MDGA2: variants seen among roughly 807,000 people sequenced by gnomAD.
The protein encoded by MDGA2 is MAM domain-containing glycosylphosphatidylinositol anchor protein 2.
Under a neutral mutation model 117.8 loss-of-function variants are expected in MDGA2, and 40 were observed. The observed-to-expected ratio is 0.34, with a 90% CI of 0.26 to 0.44. The LOEUF is 0.44. MDGA2 is among the 20% of genes least tolerant of loss of function. The pLI is 1.00. For missense variants in MDGA2, 1,123 were observed against 1,250.6 expected (o/e 0.90, Z 1.54); for synonymous variants, 452 against 439.0 (o/e 1.03, Z -0.37).
intron 3 of MDGA2, among the ~76,000 whole-genome samples, chr14:47,204,844 A>G (rs1885626008): frequency 1.3e-5 from 2 of 152,022 alleles, no homozygotes; most frequent in African/African-American, 2.4e-5. Flanking sequence ...CAATTTTACT[A>G]TGTACCAATT....
intron 1 of MDGA2, among the ~76,000 whole-genome samples, chr14:47,668,970 G>A (rs191269210): frequency 2.7e-4 from 41 of 152,220 alleles, no homozygotes; most frequent in Admixed American, 4.6e-4. Flanking sequence ...TCAAATCAGA[G>A]AATATGAGTG....
chr14:47,645,768 C>G (rs993959407), intron 1 of MDGA2, among the ~76,000 whole-genome samples: 10 of 151,646 alleles, frequency 6.6e-5, no homozygotes, highest in African/African-American at 1.7e-4. Context: ...CAATAACACC[C>G]AATATTAAAG....
chr14:47,368,363 T>C (rs1891275469), intron 1 of MDGA2, among the ~76,000 whole-genome samples: 1 of 152,170 alleles, frequency 6.6e-6, no homozygotes, highest in Admixed American at 6.6e-5. Context: ...TAAATGATTG[T>C]ATAGACCCAG....
intron 1 of MDGA2, among the ~76,000 whole-genome samples, chr14:47,595,820 A>T (rs1341879861): frequency 6.6e-6 from 1 of 152,200 alleles, no homozygotes; most frequent in Non-Finnish European, 1.5e-5. Context: ...ATGTTCTTAT[A>T]TGATTAGGTA....
chr14:47,588,251 T>G (rs866666410), intron 1 of MDGA2, among the ~76,000 whole-genome samples: 2,835 of 87,228 alleles, frequency 0.033, 88 homozygotes, highest in South Asian at 0.1. Context: ...TATATATATA[T>G]ATATATATAT....
chr14:47,508,352 ACTCTCTCTCT>A (rs3039658), intron 1 of MDGA2, among the ~76,000 whole-genome samples: 15 of 132,836 alleles, frequency 1.1e-4, no homozygotes, highest in African/African-American at 2.0e-4. Flanking sequence ...TTGCTGATTG[ACTCTCTCTCT>A]CTCTCTCTCT....
intron 1 of MDGA2, among the ~76,000 whole-genome samples, chr14:47,322,271 T>TG (rs975243978): frequency 2.6e-5 from 4 of 152,168 alleles, no homozygotes; most frequent in African/African-American, 9.6e-5. Flanking sequence ...GCAGGGAAGC[T>TG]GAAGATTTCC....
intron 6 of MDGA2, among the ~76,000 whole-genome samples, chr14:47,095,975 A>G (rs1282389056): frequency 6.6e-6 from 1 of 152,010 alleles, no homozygotes; most frequent in Non-Finnish European, 1.5e-5. Context: ...ACCCAGGACC[A>G]TACCAGGTGA....
chr14:47,432,811 C>T (rs1438004380), intron 1 of MDGA2, among the ~76,000 whole-genome samples: 2 of 152,066 alleles, frequency 1.3e-5, no homozygotes, highest in Non-Finnish European at 1.5e-5. Flanking sequence ...TTGAAACAAT[C>T]ATCTTTATTT....
At chr14:47,393,847 G>A (rs1653737402) in intron 1 of MDGA2, among the ~76,000 whole-genome samples, 1 of 152,044 alleles carries the variant, frequency 6.6e-6, no homozygotes, top group Non-Finnish European at 1.5e-5. Flanking sequence ...TAATCATACT[G>A]GCTTACCAGG....
chr14:47,119,180 C>CT (rs1881508096), intron 5 of MDGA2, among the ~76,000 whole-genome samples: 1 of 46,830 alleles, frequency 2.1e-5, no homozygotes, highest in Non-Finnish European at 7.0e-5. Context: ...CCCCGCCCCC[C>CT]CCCCCCCACC....
At chr14:46,941,167 T>C (rs1346461554) in intron 9 of MDGA2, among the ~76,000 whole-genome samples, 1 of 152,216 alleles carries the variant, frequency 6.6e-6, no homozygotes, top group Non-Finnish European at 1.5e-5. Context: ...TCTATCTGCC[T>C]GCAGTTGGAT....
Position 46,947,564 on chromosome 14 carries a change from T to C in MDGA2, c.2089+9810A>G, listed in dbSNP as rs113544781. Among the ~76,000 whole-genome samples the C allele has an allele frequency of 1.6e-3, 241 of 152,040 alleles. 2 individuals carry two copies. Among genetic ancestry groups the C allele is most frequent in the African/African-American group, 5.3e-3 (219 of 41,502 alleles). ...GTAACTGAATCATGGGGGCAAGTCTTTCCCATGCTCTTTCCGTGAGTCTCA... is the reference window on the plus strand; with the variant it reads ...GTAACTGAATCATGGGGGCAAGTCTCTCCCATGCTCTTTCCGTGAGTCTCA... On this transcript the variant is annotated intron_variant, in intron 9 of 16. Coordinates refer to ENST00000399232, the MANE Select transcript of MDGA2 (RefSeq NM_001113498.3).
At chr14:47,484,231 G>A (rs1894011596) in intron 1 of MDGA2, among the ~76,000 whole-genome samples, 1 of 151,588 alleles carries the variant, frequency 6.6e-6, no homozygotes, top group South Asian at 2.1e-4. Context: ...AAAATTATAA[G>A]CCAGGAATTA....
chr14:47,342,573 C>A lies in MDGA2; in HGVS notation c.281-41023G>T, dbSNP rs1890662242. Among the ~76,000 whole-genome samples, 7 of 152,142 alleles carry A rather than the reference C, an allele frequency of 4.6e-5. No homozygotes were observed. In the South Asian group the frequency reaches 1.4e-3, roughly 32 times the overall value. On this transcript the variant is annotated intron_variant, in intron 1 of 16. Transcript: ENST00000399232. Reference sequence around the variant, plus strand: ...TATTGTTTTCTTATATCTGTGGAAGCAGTAGCTAGTTTTCTGTGATAGGAG... The same window carrying A: ...TATTGTTTTCTTATATCTGTGGAAGAAGTAGCTAGTTTTCTGTGATAGGAG...
chr14:46,997,701 T>C (rs1348833461), intron 8 of MDGA2, among the ~76,000 whole-genome samples: 1 of 152,150 alleles, frequency 6.6e-6, no homozygotes, highest in Non-Finnish European at 1.5e-5. Flanking sequence ...GAACATAAGG[T>C]TCTGGAGAGG....
chr14:47,556,009 A>C (rs1403760310), intron 1 of MDGA2, among the ~76,000 whole-genome samples: 2 of 152,194 alleles, frequency 1.3e-5, no homozygotes, highest in Non-Finnish European at 2.9e-5. Flanking sequence ...TTCTGAATTT[A>C]GGGCCTATCT....
At chr14:46,955,452 G>A (rs1390641855) in intron 9 of MDGA2, among the ~76,000 whole-genome samples, 8 of 151,974 alleles carry the variant, frequency 5.3e-5, no homozygotes, top group Non-Finnish European at 2.9e-5. Context: ...TAGTATTATA[G>A]TTAATTATCT....
chr14:46,993,344 G>C (rs763190736), intron 8 of MDGA2, among the ~76,000 whole-genome samples: 24 of 151,958 alleles, frequency 1.6e-4, no homozygotes, highest in Admixed American at 4.6e-4. Flanking sequence ...ATTTAGTTTG[G>C]TTCTCAATTG....
Sources: allele counts gnomAD v4.1 joint callset (sites outside exome capture counted in the v4.1 genomes callset), GRCh38; gene constraint gnomAD v4.1.1; transcripts MANE v1.5; gene names NCBI Gene and HGNC (gene_info 2026-07-23, HGNC 2026-07-21).